Variants in PRKCZ observed in about 807,000 individuals in gnomAD.
PRKCZ encodes protein kinase C zeta.
In PRKCZ, 33 loss-of-function variants were observed where a neutral mutation model predicts 79.5. The ratio of observed to expected loss-of-function variants is 0.41; its 90% CI spans 0.31 to 0.55. The LOEUF is 0.55. PRKCZ is among the 20% of genes least tolerant of loss of function. The pLI, the probability that PRKCZ is intolerant of heterozygous loss-of-function variation, is 0.19. For synonymous variants in PRKCZ, 342 were observed against 320.9 expected, an observed-to-expected ratio of 1.07 and a Z score of -0.70; for missense variants, 578 against 813.5, an observed-to-expected ratio of 0.71 and a Z score of 3.52.
rs1666155258 is a variant in PRKCZ at position 2,094,723 on chromosome 1, G to A, written c.334+35132G>A. 6.6e-6 allele frequency among the ~76,000 whole-genome samples: 1 copy of A among 151,824 alleles called. No homozygotes were observed. Among genetic ancestry groups the A allele is most frequent in the African/African-American group, 2.4e-5 (1 of 41,254 alleles). On this transcript the variant is annotated intron_variant, in intron 4 of 17. Transcript: ENST00000378567. This position sits in a 1 kb window ranked among gnomAD's most constrained non-coding sequence, Gnocchi z 7.3. ...CCCGGCTCGTTGAACCTTGGGCGCT[G>A]CCCGTTCTGAGGCGCCCGCTGTGCC...
intron 4 of PRKCZ, chr1:2,134,678 T>G (rs1413918654): frequency 6.6e-6 from 1 of 152,196 alleles, no homozygotes; most frequent in East Asian, 1.9e-4. Context: ...TTTATTAGGT[T>G]AAAGGAAACT....
chr1:2,162,630 A>G (rs1008087238), intron 10 of PRKCZ, among the ~76,000 whole-genome samples: 3 of 151,778 alleles, frequency 2.0e-5, no homozygotes, highest in African/African-American at 7.3e-5. Flanking sequence ...TATTATTTTT[A>G]CAGATGGGGG....
At position 2,175,238 on chromosome 1, in the gene PRKCZ, G is replaced by T; in HGVS notation, c.1500G>T (p.Arg500Ser). The T allele has an allele frequency of 6.2e-7, 1 of 1,613,740 alleles. No individual in the cohort carries two copies. The highest frequency in any genetic ancestry group is 8.5e-7 in the Non-Finnish European group (1 of 1,179,910). Reference sequence around the variant, plus strand: ...CTGACCTCCAGGACCCCAAAGAGAGGCTCGGCTGCCGGCCACAGACTGGAT... The same window carrying T: ...CTGACCTCCAGGACCCCAAAGAGAGTCTCGGCTGCCGGCCACAGACTGGAT... Reference protein sequence around the residue: ...KGFLNKDPKERLGCRPQTGFS... With the variant: ...KGFLNKDPKESLGCRPQTGFS... Residue 500 changes from arginine (R) to serine (S), a missense_variant, in exon 16 of 18, where the codon AGG becomes AGT. Arg to Ser is a moderately radical substitution (Grantham distance 110). Transcript: ENST00000378567.
intron 3 of PRKCZ, among the ~76,000 whole-genome samples, chr1:2,058,972 A>G (rs1220876333): frequency 6.6e-6 from 1 of 152,122 alleles, no homozygotes; most frequent in African/African-American, 2.4e-5. Flanking sequence ...ACACACATAA[A>G]AAAGTAGAGA....
chr1:2,144,589 G>A (rs1200572615), intron 6 of PRKCZ: 1 of 1,359,992 alleles, frequency 7.4e-7, no homozygotes, highest in Non-Finnish European at 9.5e-7. Flanking sequence ...GCTCAGGTAG[G>A]ACGTGGTACG....
chr1:2,052,672 C>T (rs1400814762), intron 1 of PRKCZ, among the ~76,000 whole-genome samples: 1 of 152,098 alleles, frequency 6.6e-6, no homozygotes, highest in Non-Finnish European at 1.5e-5. Flanking sequence ...CACCCGGTGC[C>T]TCTCTGAGGG....
intron 4 of PRKCZ, among the ~76,000 whole-genome samples, chr1:2,103,811 C>T (rs374401630): frequency 1.1e-4 from 16 of 151,974 alleles, no homozygotes; most frequent in African/African-American, 3.9e-4. Flanking sequence ...GCTGGCCGCT[C>T]CCCTCTCCAC....
intron 5 of PRKCZ, among the ~76,000 whole-genome samples, chr1:2,140,837 A>G (rs2103078514): frequency 6.6e-6 from 1 of 152,194 alleles, no homozygotes; most frequent in Non-Finnish European, 1.5e-5. Context: ...ACGTGGTGGC[A>G]GGTGCCTATA....
At chr1:2,137,293 G>A (rs1676409939) in intron 5 of PRKCZ, among the ~76,000 whole-genome samples, 1 of 152,132 alleles carries the variant, frequency 6.6e-6, no homozygotes, top group African/African-American at 2.4e-5. Flanking sequence ...TGCCCCAGCC[G>A]CACTGGCAGC....
rs1056796099 is a variant in PRKCZ, at chr1:2,172,749, T to A, written c.1285+361T>A. ...CTGTTGTCTGGGGAGCCCCAGGGGGTGCAGGAGCGTGTGGACAGGACCCCA... is the reference window on the plus strand; with the variant it reads ...CTGTTGTCTGGGGAGCCCCAGGGGGAGCAGGAGCGTGTGGACAGGACCCCA... On this transcript the variant is annotated intron_variant, in intron 13 of 17. Coordinates refer to ENST00000378567, the MANE Select transcript of PRKCZ (RefSeq NM_002744.6). This position sits in a 1 kb window ranked among gnomAD's most constrained non-coding sequence, Gnocchi z 7.8. 6.6e-6 allele frequency among the ~76,000 whole-genome samples: 1 copy of A among 152,068 alleles called. No homozygotes were observed. The highest frequency in any genetic ancestry group is 2.4e-5 in the African/African-American group (1 of 41,400).
At chr1:2,049,782 A>T (rs1355463213), upstream of PRKCZ, 1 of 152,278 alleles carries the variant, frequency 6.6e-6, no homozygotes, top group Non-Finnish European at 1.5e-5. Context: ...AAGGCCCGAG[A>T]GGCTGTGGCT....
chr1:2,179,045 G>T (rs1273421541), intron 16 of PRKCZ, among the ~76,000 whole-genome samples: 1 of 152,238 alleles, frequency 6.6e-6, no homozygotes. Flanking sequence ...TCCTCCTGGA[G>T]CCTGGCCTCT....
At chr1:2,156,197 C>A in intron 10 of PRKCZ, 105 bp downstream of exon 10, 1 of 1,102,978 alleles carries the variant, frequency 9.1e-7, no homozygotes, top group Non-Finnish European at 1.3e-6. Context: ...AAGGTTCTCC[C>A]AGTTGCTGTA....
chr1:2,146,182 C>T (rs1030312024), intron 7 of PRKCZ, 74 bp downstream of exon 7: 28 of 1,420,176 alleles, frequency 2.0e-5, no homozygotes, highest in African/African-American at 1.4e-4. Context: ...CTTCTAGCCA[C>T]GAGTCCTTTC....
At chr1:2,107,459 G>A (rs945159467) in intron 4 of PRKCZ, among the ~76,000 whole-genome samples, 1 of 152,208 alleles carries the variant, frequency 6.6e-6, no homozygotes, top group African/African-American at 2.4e-5. Flanking sequence ...TGGGGGCTCC[G>A]TCCCATCTTT....
chr1:2,166,826 C>A (rs1033404934), intron 10 of PRKCZ, among the ~76,000 whole-genome samples: 3 of 152,248 alleles, frequency 2.0e-5, no homozygotes, highest in African/African-American at 7.2e-5. Flanking sequence ...AAGCCACACA[C>A]GCCCCTGGCC....
At chr1:2,117,180 G>A (rs1200143268) in intron 4 of PRKCZ, among the ~76,000 whole-genome samples, 1 of 152,066 alleles carries the variant, frequency 6.6e-6, no homozygotes, top group Admixed American at 6.6e-5. Flanking sequence ...GAACTCCTGG[G>A]CTCAAGTGGT....
In PRKCZ at chr1:2,054,941, ATT is replaced by A. The variant is rs552863793; in HGVS notation, c.72-482_72-481del. 5.3e-4 allele frequency among the ~76,000 whole-genome samples: 65 copies of A among 123,554 alleles called. No homozygotes were observed. In the East Asian group the frequency reaches 6.7e-3, roughly 13 times the overall value. The allele number at this position is 123,554 out of a possible 152,430, so 81.1% of individuals were successfully genotyped here. A position where few individuals can be genotyped will look rare whatever the true frequency, so the allele number is the denominator to read the frequency against. ...CTGTGCAAGGAAGTTGATGGTGGTC[ATT>A]TTTTTTTTTTTTTTTTTAATACGGA... On this transcript the variant is annotated intron_variant, in intron 1 of 17. Coordinates refer to ENST00000378567, the MANE Select transcript of PRKCZ (RefSeq NM_002744.6).
chr1:2,139,893 T>C (rs1418596394), intron 5 of PRKCZ, among the ~76,000 whole-genome samples: 6 of 152,196 alleles, frequency 3.9e-5, no homozygotes, highest in African/African-American at 1.2e-4. Context: ...GTATAAACCA[T>C]GGTAGGGCCA....
Sources: gnomAD v4.1 joint callset for allele counts (sites outside exome capture counted in the v4.1 genomes callset) on GRCh38, gnomAD v4.1.1 for gene constraint, Gnocchi (gnomAD v3.1) non-coding constraint, MANE v1.5 for transcripts, NCBI Gene and HGNC (gene_info 2026-07-23, HGNC 2026-07-21) for gene names.